The following SMIM35 variants were observed in gnomAD, a reference collection of about 807,000 sequenced individuals.
SMIM35 encodes TMPRSS4 antisense RNA 1 (non-protein coding).
chr11:118,045,528 C>T (rs1339727681), intron 1 of SMIM35, among the ~76,000 whole-genome samples: 1 of 152,066 alleles, frequency 6.6e-6, no homozygotes. Context: ...TTAGCTTGAA[C>T]CATATAAAAT....
chr11:118,049,568 C>T (rs1358850304), intron 1 of SMIM35, among the ~76,000 whole-genome samples: 6 of 151,812 alleles, frequency 4.0e-5, no homozygotes, highest in Non-Finnish European at 5.9e-5. Flanking sequence ...AGGCTGGTCT[C>T]GAACTCCTGA....
At chr11:118,029,920 A>G (rs1334410720) in intron 1 of SMIM35, 1 of 381,022 alleles carries the variant, frequency 2.6e-6, no homozygotes, top group Non-Finnish European at 5.2e-6. Context: ...CCTAGTTAAC[A>G]GCTCTCTAGA....
intron 1 of SMIM35, among the ~76,000 whole-genome samples, chr11:118,054,713 TTA>T (rs1342366441): frequency 1.3e-5 from 2 of 152,214 alleles, no homozygotes; most frequent in East Asian, 1.9e-4. Context: ...TGTTGTGTTT[TTA>T]TATGTTTCCA....
At chr11:118,010,415 T>G (rs1324442022) in intron 4 of SMIM35, among the ~76,000 whole-genome samples, 1 of 152,174 alleles carries the variant, frequency 6.6e-6, no homozygotes, top group Non-Finnish European at 1.5e-5. Context: ...TGATCAATTT[T>G]CTAGGACAAA....
chr11:118,077,244 C>T, intron 1 of SMIM35: 1 of 1,580,132 alleles, frequency 6.3e-7, no homozygotes, highest in Non-Finnish European at 8.6e-7. Flanking sequence ...CTCCTGCTGC[C>T]TTGGGGTGAC....
chr11:118,077,117 C>A, intron 1 of SMIM35: 1 of 583,726 alleles, frequency 1.7e-6, no homozygotes, highest in Non-Finnish European at 3.0e-6. Flanking sequence ...GCTTGCTCAG[C>A]GGACAAGGAT....
At chr11:118,024,338 G>A (rs1301010140) in intron 1 of SMIM35, among the ~76,000 whole-genome samples, 1 of 152,174 alleles carries the variant, frequency 6.6e-6, no homozygotes, top group African/African-American at 2.4e-5. Context: ...CCCTCCGTAA[G>A]AATCATTCTT....
intron 1 of SMIM35, among the ~76,000 whole-genome samples, chr11:118,053,548 T>A (rs7924795): frequency 6.6e-6 from 1 of 151,504 alleles, no homozygotes; most frequent in Admixed American, 6.6e-5. Flanking sequence ...CAAACAGCAG[T>A]CCTGAGAAAC....
chr11:118,016,647 C>A (rs747248110), intron 1 of SMIM35, among the ~76,000 whole-genome samples: 54 of 152,210 alleles, frequency 3.5e-4, no homozygotes, highest in Non-Finnish European at 6.2e-4. Flanking sequence ...AGGCTAGCAT[C>A]TGAAGCCTAG....
At chr11:118,067,955 T>C (rs59913515) in intron 1 of SMIM35, among the ~76,000 whole-genome samples, 5,478 of 145,216 alleles carry the variant, frequency 0.038, 263 homozygotes, top group African/African-American at 0.11. Context: ...TACACAGAAA[T>C]AGAAGTTTCT....
chr11:118,050,658 G>GCTTC (rs1242117226), intron 1 of SMIM35, among the ~76,000 whole-genome samples: 1 of 152,208 alleles, frequency 6.6e-6, no homozygotes, highest in Non-Finnish European at 1.5e-5. Context: ...CCCCACCCTT[G>GCTTC]CTTCCTCATC....
chr11:118,008,749 G>A (rs947533607), intron 4 of SMIM35, among the ~76,000 whole-genome samples: 1 of 152,242 alleles, frequency 6.6e-6, no homozygotes, highest in Non-Finnish European at 1.5e-5. Context: ...ACAATTTCCT[G>A]AGAAGTTCCT....
At position 118,039,028 on chromosome 11, in the gene SMIM35, A is replaced by G. The variant is rs540944545; in HGVS notation, c.8-23219T>C. ...AGAGATAAACAGGGTCTTATCATCCATTTTAGGGATTTGGGGCTTTATAAT... is the reference window on the plus strand; with the variant it reads ...AGAGATAAACAGGGTCTTATCATCCGTTTTAGGGATTTGGGGCTTTATAAT... On this transcript the variant is annotated intron_variant, in intron 1 of 4. Transcript: ENST00000689828. Among the ~76,000 whole-genome samples, 211 of 152,288 alleles carry G rather than the reference A, an allele frequency of 1.4e-3. 3 individuals are homozygous for G. The highest frequency in any genetic ancestry group is 0.014 in the Admixed American group (211 of 15,292).
intron 1 of SMIM35, among the ~76,000 whole-genome samples, chr11:118,048,810 G>A (rs1032530196): frequency 5.9e-5 from 9 of 151,614 alleles, no homozygotes; most frequent in Admixed American, 2.6e-4. Context: ...AAGAGATGGA[G>A]GTGCTTTCTA....
At position 118,015,704 on chromosome 11, in the gene SMIM35, T is replaced by C; in HGVS notation, c.113A>G (p.Tyr38Cys). The C allele has an allele frequency of 2.5e-6, 1 of 399,260 alleles. No homozygotes were observed. The highest frequency in any genetic ancestry group is 3.6e-5 in the East Asian group (1 of 28,076). The allele number at this position is 399,260 out of a possible 1,614,324, so 24.7% of individuals were successfully genotyped here. Residue 38 changes from tyrosine (Y) to cysteine (C), a missense_variant, in exon 2 of 5, where the codon TAC becomes TGC. By Grantham distance (194) the Tyr-to-Cys change is radical. Transcript: ENST00000689828. The stretch of plus-strand genomic sequence containing the variant: ...CAGTGCACACTCACCCTCCCAGCAG[T>C]ACCCGCGCTGGTACCACTTGGCCAG... ...YSLAKWYQRG[Y>C]CWEGPNFVFN...
chr11:118,030,985 G>T (rs922172770), intron 1 of SMIM35, among the ~76,000 whole-genome samples: 8 of 152,038 alleles, frequency 5.3e-5, no homozygotes, highest in African/African-American at 1.7e-4. Context: ...TGGCAGCAGA[G>T]ATTGGATATT....
At chr11:118,057,465 C>T (rs180782573) in intron 1 of SMIM35, among the ~76,000 whole-genome samples, 252 of 152,138 alleles carry the variant, frequency 1.7e-3, no homozygotes, top group African/African-American at 5.8e-3. Context: ...AAGAACTGAC[C>T]GTGGGCATCT....
chr11:118,066,755 A>T (rs1384421990), intron 1 of SMIM35, among the ~76,000 whole-genome samples: 1 of 151,840 alleles, frequency 6.6e-6, no homozygotes, highest in Non-Finnish European at 1.5e-5. Context: ...AACTGAGGAG[A>T]TCAAGACTGC....
At chr11:118,036,707 G>A (rs1373138306) in intron 1 of SMIM35, among the ~76,000 whole-genome samples, 2 of 152,228 alleles carry the variant, frequency 1.3e-5, no homozygotes, top group Non-Finnish European at 2.9e-5. Context: ...GAGCATCATG[G>A]GGCCTTTCCA....
Sources: gnomAD v4.1 joint callset for allele counts (sites outside exome capture counted in the v4.1 genomes callset) on GRCh38, gnomAD v4.1.1 for gene constraint, MANE v1.5 for transcripts, NCBI Gene and HGNC (gene_info 2026-07-23, HGNC 2026-07-21) for gene names.